The following HEATR4 variants were observed in gnomAD, a reference collection of about 807,000 sequenced individuals.
HEATR4 encodes HEAT repeat-containing protein 4.
HEATR4 carries 95 observed loss-of-function variants against 108.8 expected under a neutral mutation model. The ratio of observed to expected loss-of-function variants is 0.87; its 90% CI spans 0.74 to 1.04. HEATR4 has a LOEUF of 1.04. HEATR4 is among the 50% of genes least tolerant of loss of function. The pLI is 0.00. For missense variants in HEATR4, 1,152 were observed against 1,253.8 expected (o/e 0.92, Z 1.23); for synonymous variants, 443 against 459.4 (o/e 0.96, Z 0.46).
chr14:73,568,656 T>C, the HEATR4 span, among the ~76,000 whole-genome samples: 2 of 151,932 alleles, frequency 1.3e-5, no homozygotes, highest in African/African-American at 2.4e-5. Flanking sequence ...CGGTGGCTCA[T>C]GCCTGTAAAT....
the HEATR4 span, among the ~76,000 whole-genome samples, chr14:73,565,772 T>C: frequency 1.3e-5 from 2 of 151,968 alleles, no homozygotes; most frequent in African/African-American, 4.8e-5. Flanking sequence ...GTGGTGAGTG[T>C]TAGAGCTCAT....
Position 73,542,698 on chromosome 14 carries a change from G to T in HEATR4, c.-151-12454C>A, listed in dbSNP as rs111884803. Among the ~76,000 whole-genome samples, 22 of 111,682 alleles carry T rather than the reference G, an allele frequency of 2.0e-4. 5 individuals carry two copies. The highest frequency in any genetic ancestry group is 5.1e-4 in the Admixed American group (5 of 9,884). 73.3% of individuals were successfully genotyped at this position (111,682 alleles called of 152,430 possible). A position where few individuals can be genotyped will look rare whatever the true frequency, so the allele number is the denominator to read the frequency against. ...TGGGATTACAGGCGTCAGCCACCACGCCCGGCCATGAGATGACGTACTTGT... is the reference window on the plus strand; with the variant it reads ...TGGGATTACAGGCGTCAGCCACCACTCCCGGCCATGAGATGACGTACTTGT... On this transcript the variant is annotated intron_variant, in intron 1 of 17. Coordinates refer to ENST00000553558, the MANE Select transcript of HEATR4 (RefSeq NM_001220484.1).
At chr14:73,493,394 T>C (rs962274192) in intron 16 of HEATR4, 25 of 387,536 alleles carry the variant, frequency 6.5e-5, no homozygotes, top group South Asian at 2.2e-4. Flanking sequence ...CAAAGAATGT[T>C]TCCCTTTCCT....
chr14:73,494,159 G>T lies in HEATR4; in HGVS notation c.2786-1035C>A, dbSNP rs117014003. On this transcript the variant is annotated intron_variant, in intron 16 of 17. Transcript: ENST00000553558. ...CTCATTTTTATTCTGGCAGTTCGAA[G>T]AAACTTCCCCAAATCTGACAAGTGA... 2.2e-3 allele frequency among the ~76,000 whole-genome samples: 328 copies of T among 152,262 alleles called. 5 individuals are homozygous for T. The highest frequency in any genetic ancestry group is 0.017 in the Admixed American group (253 of 15,276).
the HEATR4 span, chr14:73,619,284 G>C: frequency 6.2e-7 from 1 of 1,610,058 alleles, no homozygotes; most frequent in East Asian, 2.2e-5. Context: ...GAGGTGACCT[G>C]TGTCTCTCAA....
chr14:73,508,336 T>C (rs1415078785), intron 8 of HEATR4, 42 bp from the exon 9 acceptor site: 2 of 1,596,634 alleles, frequency 1.3e-6, no homozygotes, highest in African/African-American at 1.3e-5. Flanking sequence ...TGGTGATGTG[T>C]TTTCCCCCTA....
At chr14:73,612,946 C>G in the HEATR4 span, 3 of 1,283,678 alleles carry the variant, frequency 2.3e-6, no homozygotes, top group Admixed American at 5.9e-5. Context: ...TGGCGCAGAA[C>G]AAGCGCGACT....
intron 17 of HEATR4, among the ~76,000 whole-genome samples, chr14:73,488,717 A>T (rs1328473662): frequency 6.6e-6 from 1 of 151,388 alleles, no homozygotes. Flanking sequence ...TGGCTAATAC[A>T]GGAGCAATTA....
At chr14:73,617,215 G>A in the HEATR4 span, 1 of 1,614,156 alleles carries the variant, frequency 6.2e-7, no homozygotes. Context: ...GATCACCTGA[G>A]TGCAGAAGAG....
intron 17 of HEATR4, among the ~76,000 whole-genome samples, chr14:73,481,480 G>T: frequency 6.6e-6 from 1 of 152,002 alleles, no homozygotes; most frequent in South Asian, 2.1e-4. Context: ...AAAGAAGGCA[G>T]CCGGAAAAGG....
intron 17 of HEATR4, chr14:73,491,963 C>G: frequency 6.2e-7 from 1 of 1,613,948 alleles, no homozygotes; most frequent in Non-Finnish European, 8.5e-7. Flanking sequence ...GGCTGTGCTT[C>G]AAGAGCAGTT....
At chr14:73,491,069 C>T (rs746961859) in intron 17 of HEATR4, 1 of 1,594,280 alleles carries the variant, frequency 6.3e-7, no homozygotes, top group South Asian at 1.1e-5. Flanking sequence ...GCGGCCGAAG[C>T]GCCGGCGCAA....
the HEATR4 span, chr14:73,595,131 T>C: frequency 5.0e-5 from 80 of 1,614,094 alleles, no homozygotes; most frequent in Non-Finnish European, 6.4e-5. Flanking sequence ...TTGAAGAATG[T>C]CTCAGCCACA....
At chr14:73,495,538 A>G in intron 15 of HEATR4, 151 bp from the exon 16 acceptor site, 2 of 636,756 alleles carry the variant, frequency 3.1e-6, no homozygotes, top group South Asian at 4.0e-5. Context: ...AGCTGTGATC[A>G]TGCCACTGCA....
Position 73,500,579 on chromosome 14 carries a change from C to T in HEATR4, c.2257G>A (p.Ala753Thr). Residue 753 changes from alanine (A) to threonine (T), a missense_variant, in exon 12 of 18, where the codon GCT becomes ACT. Transcript: ENST00000553558. ...TAVRRAACLAAGALQIRDKMV... is the reference protein window; with the variant it reads ...TAVRRAACLATGALQIRDKMV... ...TTGTCGCGGATCTGCAGGGCACCAG[C>T]TGCCAAACAGGCTGCCCGCCGAACT... The T allele has an allele frequency of 6.2e-7, 1 of 1,613,684 alleles. No homozygotes were observed. Among genetic ancestry groups the T allele is most frequent in the Non-Finnish European group, 8.5e-7 (1 of 1,179,934 alleles).
In HEATR4 at chr14:73,518,993, C is replaced by A. The variant is rs778044570; in HGVS notation, c.1210+30G>T. 6 of 1,595,778 alleles carry A rather than the reference C, an allele frequency of 3.8e-6. No homozygotes were observed. In the Admixed American group the frequency reaches 1.0e-4, roughly 27 times the overall value. On this transcript the variant is annotated intron_variant, in intron 5 of 17. Transcript: ENST00000553558. ...AAGTAGCCACATTCCCGTTATTAAC[C>A]CCTGCCTTCCCTGTTAGCTTCCTGC...
chr14:73,586,365 G>C, the HEATR4 span, among the ~76,000 whole-genome samples: 4 of 151,144 alleles, frequency 2.6e-5, no homozygotes, highest in African/African-American at 9.7e-5. Context: ...TTGCATTCCA[G>C]CCTGGGCAAC....
At chr14:73,573,946 T>G in the HEATR4 span, among the ~76,000 whole-genome samples, 1 of 152,064 alleles carries the variant, frequency 6.6e-6, no homozygotes, top group African/African-American at 2.4e-5. Flanking sequence ...AGGCTGGTCT[T>G]GAACTCCTGA....
chr14:73,593,633 G>C, the HEATR4 span: 1 of 1,436,116 alleles, frequency 7.0e-7, no homozygotes, highest in Non-Finnish European at 9.5e-7. Context: ...ATGAACCACA[G>C]TGTCCAGCCA....
Sources: allele counts gnomAD v4.1 joint callset (sites outside exome capture counted in the v4.1 genomes callset), GRCh38; gene constraint gnomAD v4.1.1; transcripts MANE v1.5; gene names NCBI Gene and HGNC (gene_info 2026-07-23, HGNC 2026-07-21).